NBAS: variants seen among roughly 807,000 people sequenced by gnomAD.
NBAS encodes NBAS subunit of NRZ tethering complex.
A neutral mutation model predicts 302.5 loss-of-function variants in NBAS; 219 were observed. The observed-to-expected ratio is 0.72, with a 90% CI of 0.65 to 0.81. The LOEUF is 0.81. Ranked by LOEUF, NBAS falls within the 30% of genes least tolerant of loss-of-function variation. The pLI is 0.00. For synonymous variants in NBAS, 1,118 were observed against 1,021.6 expected (o/e 1.09, Z -1.80); for missense variants, 2,932 against 2,841.6 (o/e 1.03, Z -0.72).
At position 15,394,362 on chromosome 2, in the gene NBAS, A is replaced by G; in HGVS notation, c.3135-13T>C. 1 of 1,612,232 alleles carries G rather than the reference A, an allele frequency of 6.2e-7. No individual in the cohort carries two copies. Among genetic ancestry groups the G allele is most frequent in the Non-Finnish European group, 8.5e-7 (1 of 1,178,772 alleles). The stretch of plus-strand genomic sequence containing the variant: ...AAGCTCTGACACACTATAAGTGAAA[A>G]AAGAATTATTTAATGTCTTGCTACC... On this transcript the variant is annotated splice_polypyrimidine_tract_variant and intron_variant, in intron 27 of 51. Transcript: ENST00000281513.
At chr2:14,995,948 C>T in the NBAS span, among the ~76,000 whole-genome samples, 145 of 152,004 alleles carry the variant, frequency 9.5e-4, no homozygotes, top group Admixed American at 1.4e-3. Flanking sequence ...CTCCCCTCTT[C>T]CCCCCAACAC....
intron 31 of NBAS, among the ~76,000 whole-genome samples, chr2:15,374,168 T>A (rs1041067431): frequency 1.3e-5 from 2 of 152,140 alleles, no homozygotes; most frequent in Admixed American, 6.5e-5. Context: ...TTTAAAAAAA[T>A]AGATGGACGT....
the NBAS span, among the ~76,000 whole-genome samples, chr2:15,086,568 CAAGT>C: frequency 6.6e-6 from 1 of 152,300 alleles, no homozygotes; most frequent in African/African-American, 2.4e-5. Context: ...GTGAGCTTCC[CAAGT>C]TAGGGATGTC....
intron 48 of NBAS, among the ~76,000 whole-genome samples, chr2:15,207,395 T>A (rs1666197640): frequency 6.6e-6 from 1 of 152,212 alleles, no homozygotes; most frequent in South Asian, 2.1e-4. Flanking sequence ...CAACTCGTCT[T>A]GTCTCAGTCT....
chr2:15,049,135 G>A, the NBAS span, among the ~76,000 whole-genome samples: 1 of 152,206 alleles, frequency 6.6e-6, no homozygotes, highest in African/African-American at 2.4e-5. Flanking sequence ...AACCTGGGGT[G>A]ATGCCTCATA....
chr2:15,019,008 GC>G, the NBAS span, among the ~76,000 whole-genome samples: 1 of 152,164 alleles, frequency 6.6e-6, no homozygotes, highest in Admixed American at 6.5e-5. Flanking sequence ...ATAAGAGAAT[GC>G]ACTTTTTGCA....
intron 16 of NBAS, 28 bp downstream of exon 16, chr2:15,473,194 A>G (rs1163115509): frequency 1.2e-6 from 2 of 1,611,644 alleles, no homozygotes; most frequent in African/African-American, 1.3e-5. Context: ...TATACATTTT[A>G]CCACATTACC....
chr2:15,152,955 A>AT, the NBAS span, among the ~76,000 whole-genome samples: 1 of 152,236 alleles, frequency 6.6e-6, no homozygotes, highest in African/African-American at 2.4e-5. Flanking sequence ...GAGAACAGAG[A>AT]TTTAGGGCCA....
intron 8 of NBAS, among the ~76,000 whole-genome samples, chr2:15,536,111 A>G (rs371829190): frequency 6.6e-6 from 1 of 152,106 alleles, no homozygotes. Flanking sequence ...CAAATATTAA[A>G]CTCTAATAAT....
chr2:15,519,873 T>C (rs1385230593), intron 9 of NBAS, among the ~76,000 whole-genome samples: 5 of 152,210 alleles, frequency 3.3e-5, no homozygotes, highest in African/African-American at 1.2e-4. Context: ...TACTTTACTA[T>C]AGGTCAAATT....
chr2:15,505,117 A>C (rs1401468365), intron 10 of NBAS, among the ~76,000 whole-genome samples: 4 of 152,360 alleles, frequency 2.6e-5, no homozygotes, highest in South Asian at 2.1e-4. Flanking sequence ...AAAAGAAAGA[A>C]ATCACCAAAT....
intron 21 of NBAS, among the ~76,000 whole-genome samples, chr2:15,455,603 C>T (rs1233856811): frequency 6.6e-6 from 1 of 151,922 alleles, no homozygotes. Context: ...TAAAGCAACA[C>T]TTACTTGGTG....
At chr2:14,849,487 C>T in the NBAS span, among the ~76,000 whole-genome samples, 1 of 151,802 alleles carries the variant, frequency 6.6e-6, no homozygotes, top group Non-Finnish European at 1.5e-5. Context: ...GAGAATGGAA[C>T]CAAGTTGGAA....
At chr2:15,307,998 A>G (rs1671104732) in intron 40 of NBAS, among the ~76,000 whole-genome samples, 2 of 152,214 alleles carry the variant, frequency 1.3e-5, no homozygotes, top group African/African-American at 2.4e-5. Flanking sequence ...TAAAAGTTAG[A>G]GGGAGGAAAC....
chr2:15,034,648 A>G, the NBAS span, among the ~76,000 whole-genome samples: 1 of 152,164 alleles, frequency 6.6e-6, no homozygotes, highest in Non-Finnish European at 1.5e-5. Flanking sequence ...CTCAATAATC[A>G]GAGTATGAAC....
intron 30 of NBAS, among the ~76,000 whole-genome samples, chr2:15,378,438 C>T (rs1674864683): frequency 6.6e-6 from 1 of 152,156 alleles, no homozygotes; most frequent in Admixed American, 6.5e-5. Flanking sequence ...GGACAGAGGA[C>T]ATAATACAAT....
the NBAS span, among the ~76,000 whole-genome samples, chr2:14,893,189 T>C: frequency 2.0e-5 from 3 of 152,248 alleles, no homozygotes; most frequent in African/African-American, 7.2e-5. Flanking sequence ...TGAAGTTGCA[T>C]GTACATGTGA....
At chr2:15,012,443 T>C in the NBAS span, among the ~76,000 whole-genome samples, 4 of 152,214 alleles carry the variant, frequency 2.6e-5, no homozygotes, top group African/African-American at 9.6e-5. Flanking sequence ...TTACAGATGT[T>C]CCAGAAAGAG....
chr2:15,019,840 C>T, the NBAS span, among the ~76,000 whole-genome samples: 5 of 150,044 alleles, frequency 3.3e-5, no homozygotes, highest in Admixed American at 3.3e-4. Context: ...CAGAAGCAGA[C>T]ACTCAACAGA....
Sources: allele counts gnomAD v4.1 joint callset (sites outside exome capture counted in the v4.1 genomes callset), GRCh38; gene constraint gnomAD v4.1.1; transcripts MANE v1.5; gene names NCBI Gene and HGNC (gene_info 2026-07-23, HGNC 2026-07-21).